Variants in DLG2 observed in about 807,000 individuals in gnomAD.
DLG2 encodes disks large homolog 2.
Under a neutral mutation model 132.5 loss-of-function variants are expected in DLG2, and 45 were observed. The ratio of observed to expected loss-of-function variants is 0.34; its 90% CI spans 0.27 to 0.44. The LOEUF is 0.44. Ranked by LOEUF, DLG2 falls within the 20% of genes least tolerant of loss-of-function variation. The probability of loss-of-function intolerance (pLI) is 1.00; values close to 1 mark genes in which losing one functional copy is unlikely to be tolerated. For missense variants in DLG2, 1,045 were observed against 1,196.9 expected (o/e 0.87, Z 1.87); for synonymous variants, 424 against 419.6 (o/e 1.01, Z -0.13).
intron 17 of DLG2, among the ~76,000 whole-genome samples, chr11:83,795,656 T>C (rs776084869): frequency 1.3e-5 from 2 of 152,154 alleles, no homozygotes; most frequent in Non-Finnish European, 2.9e-5. Flanking sequence ...TTTTTTCTTT[T>C]TGTTTTTAAG....
chr11:83,746,083 G>C (rs1473498304), intron 18 of DLG2, among the ~76,000 whole-genome samples: 3 of 152,162 alleles, frequency 2.0e-5, no homozygotes, highest in Non-Finnish European at 4.4e-5. Context: ...AACAACAGGT[G>C]CTGGAGAGGA....
At chr11:84,545,620 C>T (rs532879558) in intron 6 of DLG2, 2 of 329,660 alleles carry the variant, frequency 6.1e-6, no homozygotes, top group African/African-American at 4.3e-5. Flanking sequence ...GTACTTCAAT[C>T]TTATTCATAG....
chr11:83,594,074 A>G (rs1416426679), intron 19 of DLG2, among the ~76,000 whole-genome samples: 1 of 152,256 alleles, frequency 6.6e-6, no homozygotes, highest in Non-Finnish European at 1.5e-5. Context: ...ATACTGGGAA[A>G]GAGACAATTA....
At chr11:84,909,997 G>A (rs947378198) in intron 6 of DLG2, among the ~76,000 whole-genome samples, 2 of 152,128 alleles carry the variant, frequency 1.3e-5, no homozygotes, top group African/African-American at 4.8e-5. Flanking sequence ...TGAGGGAAGA[G>A]GTGAGAATCA....
At chr11:85,527,246 A>G (rs1565637599) in intron 3 of DLG2, among the ~76,000 whole-genome samples, 2 of 150,846 alleles carry the variant, frequency 1.3e-5, no homozygotes, top group Admixed American at 6.6e-5. Flanking sequence ...TGTTACATAG[A>G]TATACATATG....
At chr11:84,324,847 C>T (rs891183523) in intron 7 of DLG2, among the ~76,000 whole-genome samples, 2 of 152,038 alleles carry the variant, frequency 1.3e-5, no homozygotes, top group Non-Finnish European at 2.9e-5. Context: ...AGAAACACAA[C>T]TAATTTTTGT....
At chr11:83,982,067 T>C (rs1181795884) in intron 11 of DLG2, among the ~76,000 whole-genome samples, 1 of 152,184 alleles carries the variant, frequency 6.6e-6, no homozygotes, top group Non-Finnish European at 1.5e-5. Context: ...GGTGATGCAG[T>C]GTAAATGAAC....
intron 6 of DLG2, among the ~76,000 whole-genome samples, chr11:84,681,491 C>T (rs1289119476): frequency 6.6e-6 from 1 of 152,030 alleles, no homozygotes; most frequent in Non-Finnish European, 1.5e-5. Flanking sequence ...TGGGGGGTAC[C>T]GGTTTCAGTA....
chr11:85,295,625 A>G (rs74445867), intron 3 of DLG2, among the ~76,000 whole-genome samples: 2,333 of 152,264 alleles, frequency 0.015, 63 homozygotes, highest in African/African-American at 0.054. Context: ...AACAGTATGC[A>G]TAATAGAATG....
intron 6 of DLG2, among the ~76,000 whole-genome samples, chr11:85,032,206 A>C (rs1277717441): frequency 6.6e-6 from 1 of 152,112 alleles, no homozygotes; most frequent in African/African-American, 2.4e-5. Context: ...TTATTGTCCC[A>C]ACAATAATCC....
chr11:84,788,967 T>C (rs763704961), intron 6 of DLG2, among the ~76,000 whole-genome samples: 4 of 152,158 alleles, frequency 2.6e-5, no homozygotes, highest in Admixed American at 1.3e-4. Context: ...TGCTATCAAA[T>C]AGAGTTTTTA....
At chr11:85,032,637 A>T (rs958892807) in intron 6 of DLG2, among the ~76,000 whole-genome samples, 1 of 152,218 alleles carries the variant, frequency 6.6e-6, no homozygotes, top group East Asian at 1.9e-4. Context: ...CGTCAGAATC[A>T]TTATTATTGG....
intron 6 of DLG2, among the ~76,000 whole-genome samples, chr11:85,063,561 CTT>C (rs941253492): frequency 2.0e-5 from 3 of 151,740 alleles, no homozygotes; most frequent in African/African-American, 7.3e-5. Context: ...CTTTTAAAGA[CTT>C]ATATGGTTAT....
chr11:83,463,632 A>T (rs912404871), intron 26 of DLG2, among the ~76,000 whole-genome samples: 7 of 152,200 alleles, frequency 4.6e-5, no homozygotes, highest in Non-Finnish European at 8.8e-5. Flanking sequence ...CCACAAAAAA[A>T]ATACAAACAT....
chr11:84,599,816 G>A (rs971127145), intron 6 of DLG2, among the ~76,000 whole-genome samples: 1 of 152,040 alleles, frequency 6.6e-6, no homozygotes, highest in African/African-American at 2.4e-5. Flanking sequence ...CAGATCGCTT[G>A]AGCCCAGGAG....
intron 6 of DLG2, among the ~76,000 whole-genome samples, chr11:85,088,877 T>C (rs556437855): frequency 6.6e-6 from 1 of 152,300 alleles, no homozygotes; most frequent in East Asian, 1.9e-4. Context: ...AAAGCAAGCT[T>C]TATGTCCTTG....
At chr11:84,904,572 C>T (rs941711312) in intron 6 of DLG2, among the ~76,000 whole-genome samples, 1 of 152,158 alleles carries the variant, frequency 6.6e-6, no homozygotes, top group Middle Eastern at 3.2e-3. Context: ...TTTTCTGCTG[C>T]CCATAACTGA....
rs541585158 is a variant in DLG2 at position 83,989,968 on chromosome 11, T to C, written c.920-9326A>G. ...AAAGAAATAGCTCTGGACCATCACA[T>C]GATGACAAACTAGTCCATTATAAAA... On this transcript the variant is annotated intron_variant, in intron 11 of 27. Coordinates refer to ENST00000376104, the MANE Select transcript of DLG2 (RefSeq NM_001142699.3). Among the ~76,000 whole-genome samples, 3 of 152,272 alleles carry C rather than the reference T, an allele frequency of 2.0e-5. No homozygotes were observed. In the East Asian group the frequency reaches 5.8e-4, roughly 29 times the overall value.
intron 13 of DLG2, 64 bp downstream of exon 13, chr11:83,965,260 C>A: frequency 6.6e-7 from 1 of 1,507,230 alleles, no homozygotes; most frequent in Non-Finnish European, 9.0e-7. Flanking sequence ...ACTTTGTCAA[C>A]AGTTTTATAG....
Sources: gnomAD v4.1 joint callset for allele counts (sites outside exome capture counted in the v4.1 genomes callset) on GRCh38, gnomAD v4.1.1 for gene constraint, MANE v1.5 for transcripts, NCBI Gene and HGNC (gene_info 2026-07-23, HGNC 2026-07-21) for gene names.